TENM3: variants seen among roughly 807,000 people sequenced by gnomAD.
The protein encoded by TENM3 is teneurin transmembrane protein 3.
In TENM3, 63 loss-of-function variants were observed where a neutral mutation model predicts 255.1. The observed-to-expected ratio is 0.25, with a 90% confidence interval of 0.20 to 0.30. TENM3 has a LOEUF of 0.30. Among genes scored for constraint, TENM3 ranks in the 10% least tolerant of loss-of-function variants. The pLI, the probability that TENM3 is intolerant of heterozygous loss-of-function variation, is 1.00. For synonymous variants in TENM3, 1,306 were observed against 1,322.3 expected (o/e 0.99, Z 0.27); for missense variants, 2,929 against 3,461.1 (o/e 0.85, Z 3.86).
chr4:182,674,664 C>T (rs1305865507), intron 7 of TENM3, among the ~76,000 whole-genome samples: 1 of 152,140 alleles, frequency 6.6e-6, no homozygotes, highest in Non-Finnish European at 1.5e-5. Context: ...TAGCCTCAAC[C>T]TCCTCGGCTC....
the TENM3 span, among the ~76,000 whole-genome samples, chr4:181,640,877 A>T: frequency 8.5e-5 from 13 of 152,152 alleles, no homozygotes; most frequent in Admixed American, 8.5e-4. Context: ...AATTTCTTTG[A>T]CTAGTTTTTG....
At chr4:182,490,269 T>G (rs1201805554) in intron 3 of TENM3, among the ~76,000 whole-genome samples, 1 of 152,036 alleles carries the variant, frequency 6.6e-6, no homozygotes, top group Non-Finnish European at 1.5e-5. Flanking sequence ...TAAATAAGAG[T>G]GTTTCTCAAA....
At chr4:182,155,697 TTAAA>T (rs1433416172) in intron 1 of TENM3, among the ~76,000 whole-genome samples, 2 of 152,140 alleles carry the variant, frequency 1.3e-5, no homozygotes, top group African/African-American at 4.8e-5. Flanking sequence ...GAATAATAAT[TTAAA>T]TAAGACCTTC....
the TENM3 span, among the ~76,000 whole-genome samples, chr4:181,844,616 T>A: frequency 2.0e-5 from 3 of 150,848 alleles, no homozygotes; most frequent in African/African-American, 7.3e-5. Flanking sequence ...TGCAGTGAGC[T>A]GAGATCACAC....
At chr4:182,082,763 C>T in the TENM3 span, among the ~76,000 whole-genome samples, 2 of 152,160 alleles carry the variant, frequency 1.3e-5, no homozygotes, top group South Asian at 2.1e-4. Flanking sequence ...AAGGTATCTA[C>T]GAGCCTAGTG....
the TENM3 span, among the ~76,000 whole-genome samples, chr4:181,894,578 GAGA>G: frequency 1.3e-5 from 2 of 152,262 alleles, no homozygotes; most frequent in Non-Finnish European, 2.9e-5. Context: ...TATTTATAAA[GAGA>G]AGAAGTGATT....
chr4:182,180,066 G>A (rs1752748718), intron 1 of TENM3, among the ~76,000 whole-genome samples: 6 of 151,384 alleles, frequency 4.0e-5, no homozygotes, highest in Admixed American at 4.0e-4. Context: ...TTTAATAGTT[G>A]GAATTGCACA....
the TENM3 span, among the ~76,000 whole-genome samples, chr4:181,674,022 G>A: frequency 6.6e-6 from 1 of 152,112 alleles, no homozygotes; most frequent in Non-Finnish European, 1.5e-5. Flanking sequence ...AGGGGATAGG[G>A]TCTGGCTCTG....
chr4:181,839,384 T>TATATATATATACACAC, the TENM3 span, among the ~76,000 whole-genome samples: 9 of 83,460 alleles, frequency 1.1e-4, no homozygotes, highest in East Asian at 6.6e-4. Context: ...TATATATATA[T>TATATATATATACACAC]ACACCTATAT....
At chr4:181,740,329 T>A in the TENM3 span, among the ~76,000 whole-genome samples, 1 of 152,296 alleles carries the variant, frequency 6.6e-6, no homozygotes, top group South Asian at 2.1e-4. Context: ...GTTTTGATTA[T>A]TTTTTAGAAA....
intron 13 of TENM3, 69 bp from the exon 14 acceptor site, chr4:182,728,896 A>G (rs963389717): frequency 3.1e-6 from 4 of 1,308,314 alleles, no homozygotes; most frequent in Non-Finnish European, 4.3e-6. Flanking sequence ...ACAGTCAAGA[A>G]ACAAAACTGA....
At chr4:182,365,526 C>T (rs767453832) in intron 3 of TENM3, among the ~76,000 whole-genome samples, 1 of 152,214 alleles carries the variant, frequency 6.6e-6, no homozygotes, top group Non-Finnish European at 1.5e-5. Flanking sequence ...CGCCTGTACA[C>T]TTTTTACTAC....
chr4:182,172,024 T>G (rs1443355742), intron 1 of TENM3, among the ~76,000 whole-genome samples: 1 of 152,144 alleles, frequency 6.6e-6, no homozygotes, highest in Non-Finnish European at 1.5e-5. Context: ...AGAAGTGATT[T>G]GATATAAAAT....
intron 1 of TENM3, among the ~76,000 whole-genome samples, chr4:182,308,486 A>T (rs1762261604): frequency 6.6e-6 from 1 of 151,968 alleles, no homozygotes; most frequent in Non-Finnish European, 1.5e-5. Context: ...TGACTGGCTA[A>T]TTAAAAAACA....
At chr4:181,595,123 A>G in the TENM3 span, among the ~76,000 whole-genome samples, 1 of 152,096 alleles carries the variant, frequency 6.6e-6, no homozygotes, top group Admixed American at 6.5e-5. Context: ...TTCACCCTGC[A>G]TGATTTTCTA....
chr4:181,710,840 C>T, the TENM3 span, among the ~76,000 whole-genome samples: 24 of 149,130 alleles, frequency 1.6e-4, no homozygotes, highest in African/African-American at 2.2e-4. Context: ...TGAGCCACCG[C>T]GCCCGGCCGA....
chr4:182,259,646 A>G (rs1290127759), intron 1 of TENM3, among the ~76,000 whole-genome samples: 1 of 152,096 alleles, frequency 6.6e-6, no homozygotes, highest in Non-Finnish European at 1.5e-5. Flanking sequence ...TATGTAACAG[A>G]TGTACATATT....
At chr4:182,239,163 G>A (rs1338222195), upstream of TENM3, among the ~76,000 whole-genome samples, 4 of 150,592 alleles carry the variant, frequency 2.7e-5, no homozygotes, top group African/African-American at 9.8e-5. Flanking sequence ...TGTAACCTCC[G>A]CCTCCTGAGT....
At chr4:181,539,637 A>G in the TENM3 span, among the ~76,000 whole-genome samples, 1 of 152,224 alleles carries the variant, frequency 6.6e-6, no homozygotes, top group Non-Finnish European at 1.5e-5. Flanking sequence ...AGAAATGACA[A>G]TGTCCTAGAT....
Sources: gnomAD v4.1 joint callset for allele counts (sites outside exome capture counted in the v4.1 genomes callset) on GRCh38, gnomAD v4.1.1 for gene constraint, MANE v1.5 for transcripts, NCBI Gene and HGNC (gene_info 2026-07-23, HGNC 2026-07-21) for gene names.